PPARGC1A: variants seen among roughly 807,000 people sequenced by gnomAD.
PPARGC1A encodes peroxisome proliferator-activated receptor gamma coactivator 1-alpha.
A neutral mutation model predicts 88.7 loss-of-function variants in PPARGC1A; 25 were observed. That is an observed-to-expected ratio of 0.28 (90% CI 0.21 to 0.39). PPARGC1A has a LOEUF of 0.39. Ranked by LOEUF, PPARGC1A falls within the 10% of genes least tolerant of loss-of-function variation. The pLI, the probability that PPARGC1A is intolerant of heterozygous loss-of-function variation, is 1.00. For missense variants in PPARGC1A, 880 were observed against 968.7 expected, an observed-to-expected ratio of 0.91 and a Z score of 1.22; for synonymous variants, 363 against 355.6, an observed-to-expected ratio of 1.02 and a Z score of -0.24.
the PPARGC1A span, among the ~76,000 whole-genome samples, chr4:24,417,394 T>C: frequency 6.6e-6 from 1 of 152,202 alleles, no homozygotes; most frequent in Non-Finnish European, 1.5e-5. Context: ...AGCCACCAGA[T>C]AGGTTTTGAA....
chr4:24,467,267 T>C, the PPARGC1A span, among the ~76,000 whole-genome samples: 34 of 152,322 alleles, frequency 2.2e-4, no homozygotes, highest in Admixed American at 2.0e-3. Flanking sequence ...ATTGGAGTTA[T>C]GTGAAAAGTG....
the PPARGC1A span, among the ~76,000 whole-genome samples, chr4:24,208,066 A>G: frequency 0.84 from 127,665 of 152,038 alleles, 54,606 homozygotes; most frequent in East Asian, 0.97. Flanking sequence ...GTCACTTGAG[A>G]CCAGGAGTTT....
chr4:23,830,232 G>A (rs1724760330), intron 3 of PPARGC1A, among the ~76,000 whole-genome samples: 1 of 152,178 alleles, frequency 6.6e-6, no homozygotes, highest in South Asian at 2.1e-4. Flanking sequence ...GACTATCACT[G>A]ATTTTAGAAA....
chr4:23,953,974 C>A, the PPARGC1A span, among the ~76,000 whole-genome samples: 4 of 152,074 alleles, frequency 2.6e-5, no homozygotes, highest in Middle Eastern at 0.01. Flanking sequence ...AGTTAAATTT[C>A]TTTTAAAATA....
chr4:24,173,404 C>T, the PPARGC1A span, among the ~76,000 whole-genome samples: 2 of 151,404 alleles, frequency 1.3e-5, no homozygotes, highest in African/African-American at 2.4e-5. Flanking sequence ...GTCAAAACTC[C>T]GATGAACTAC....
chr4:24,025,249 G>A, the PPARGC1A span, among the ~76,000 whole-genome samples: 1 of 152,174 alleles, frequency 6.6e-6, no homozygotes, highest in Non-Finnish European at 1.5e-5. Flanking sequence ...GAGACTGGGA[G>A]CATGAGGAAA....
the PPARGC1A span, among the ~76,000 whole-genome samples, chr4:24,243,339 C>T: frequency 6.6e-6 from 1 of 152,140 alleles, no homozygotes; most frequent in East Asian, 1.9e-4. Flanking sequence ...GGGTCAGAAG[C>T]AGAGCATCCC....
At chr4:24,144,069 G>T in the PPARGC1A span, among the ~76,000 whole-genome samples, 1 of 152,228 alleles carries the variant, frequency 6.6e-6, no homozygotes, top group African/African-American at 2.4e-5. Context: ...AGAGGTAAAG[G>T]GATGACGAAG....
chr4:24,116,701 C>A, the PPARGC1A span, among the ~76,000 whole-genome samples: 1 of 152,110 alleles, frequency 6.6e-6, no homozygotes, highest in Non-Finnish European at 1.5e-5. Context: ...CAGCAAGGAA[C>A]CAAGGAACAC....
the PPARGC1A span, among the ~76,000 whole-genome samples, chr4:24,459,928 T>C: frequency 6.6e-6 from 1 of 152,198 alleles, no homozygotes; most frequent in Non-Finnish European, 1.5e-5. Flanking sequence ...TGCCCAAATA[T>C]AAGATGAGGT....
At chr4:24,173,908 T>G in the PPARGC1A span, among the ~76,000 whole-genome samples, 2 of 152,252 alleles carry the variant, frequency 1.3e-5, no homozygotes, top group Non-Finnish European at 2.9e-5. Flanking sequence ...CCAGCATTGA[T>G]ACTGAAGTGG....
chr4:24,012,307 T>C, the PPARGC1A span, among the ~76,000 whole-genome samples: 1 of 152,120 alleles, frequency 6.6e-6, no homozygotes, highest in African/African-American at 2.4e-5. Flanking sequence ...TAGGTGAGGA[T>C]GGTGATATTA....
At chr4:24,149,295 C>G in the PPARGC1A span, among the ~76,000 whole-genome samples, 4 of 151,794 alleles carry the variant, frequency 2.6e-5, no homozygotes, top group Non-Finnish European at 4.4e-5. Context: ...ATTATTTGCT[C>G]CTAAAGCCAA....
At chr4:24,063,979 G>A in the PPARGC1A span, among the ~76,000 whole-genome samples, 3 of 152,056 alleles carry the variant, frequency 2.0e-5, no homozygotes, top group Non-Finnish European at 4.4e-5. Context: ...TACTCAGCAG[G>A]GAATCTGTGT....
At chr4:23,984,935 G>C in the PPARGC1A span, among the ~76,000 whole-genome samples, 4 of 152,098 alleles carry the variant, frequency 2.6e-5, no homozygotes, top group Non-Finnish European at 5.9e-5. Flanking sequence ...ATGCCTTGGG[G>C]AAGATGTGAA....
chr4:24,075,582 C>T, the PPARGC1A span, among the ~76,000 whole-genome samples: 4,266 of 152,218 alleles, frequency 0.028, 86 homozygotes, highest in Non-Finnish European at 0.042. Flanking sequence ...ATAATTCCCA[C>T]GTGTCATGGG....
At chr4:23,851,747 T>A (rs1423046592) in intron 2 of PPARGC1A, among the ~76,000 whole-genome samples, 1 of 152,178 alleles carries the variant, frequency 6.6e-6, no homozygotes, top group Non-Finnish European at 1.5e-5. Context: ...CTTTTTATTG[T>A]CTCATGTTTC....
At chr4:24,382,150 A>G in the PPARGC1A span, among the ~76,000 whole-genome samples, 1 of 118,938 alleles carries the variant, frequency 8.4e-6, no homozygotes, top group Non-Finnish European at 1.7e-5. Flanking sequence ...CTTAGAGAAA[A>G]CCTAAAAATT....
At chr4:23,941,896 A>G in the PPARGC1A span, among the ~76,000 whole-genome samples, 1 of 152,150 alleles carries the variant, frequency 6.6e-6, no homozygotes, top group Non-Finnish European at 1.5e-5. Context: ...GCTTACCTCT[A>G]CTACTAAGAA....
Sources: allele counts gnomAD v4.1 joint callset (sites outside exome capture counted in the v4.1 genomes callset), GRCh38; gene constraint gnomAD v4.1.1; transcripts MANE v1.5; gene names NCBI Gene and HGNC (gene_info 2026-07-23, HGNC 2026-07-21).